Variants in LRGUK observed in about 807,000 individuals in gnomAD.
The protein encoded by LRGUK is leucine-rich repeat and guanylate kinase domain-containing protein.
LRGUK carries 65 observed loss-of-function variants against 76.0 expected under a neutral mutation model. That is an observed-to-expected ratio of 0.85 (90% CI 0.70 to 1.05). The LOEUF is 1.05. Among genes scored for constraint, LRGUK ranks in the 50% least tolerant of loss-of-function variants. The pLI is 0.00. For missense variants in LRGUK, 758 were observed against 732.8 expected (o/e 1.03, Z -0.40); for synonymous variants, 268 against 265.6 (o/e 1.01, Z -0.09).
chr7:134,133,472 A>C (rs1019175799), intron 1 of LRGUK, among the ~76,000 whole-genome samples: 4 of 152,136 alleles, frequency 2.6e-5, no homozygotes, highest in Non-Finnish European at 2.9e-5. Flanking sequence ...ATCTTTATCA[A>C]ATCCAAAATT....
At position 134,188,132 on chromosome 7, in the gene LRGUK, G is replaced by T. The variant is rs529315130; in HGVS notation, c.1335-3523G>T. On this transcript the variant is annotated intron_variant, in intron 11 of 15. Transcript: ENST00000645682. ...TGAAACTGTGAAATGAACAGGCATG[G>T]TTCTTCTCCTCCTGGCAGCTTACAA... 1.1e-3 allele frequency among the ~76,000 whole-genome samples: 160 copies of T among 152,274 alleles called. 1 individual carries two copies. In the Middle Eastern group the frequency reaches 0.017, roughly 16 times the overall value.
At chr7:134,210,374 C>T (rs955470192), downstream of LRGUK, 8 of 397,716 alleles carry the variant, frequency 2.0e-5, no homozygotes, top group African/African-American at 1.4e-4. Flanking sequence ...CCCCCAATTA[C>T]AAGAAGATTA....
At chr7:134,199,452 G>A in intron 14 of LRGUK, 31 bp downstream of exon 14, 1 of 1,564,142 alleles carries the variant, frequency 6.4e-7, no homozygotes, top group Non-Finnish European at 8.8e-7. Flanking sequence ...TTTTGTTTTT[G>A]AAATGTAAGA....
chr7:134,249,390 C>G (rs1169108150), intron 18 of LRGUK, among the ~76,000 whole-genome samples: 2 of 152,142 alleles, frequency 1.3e-5, no homozygotes, highest in African/African-American at 4.8e-5. Flanking sequence ...CACAGACATC[C>G]ATTGTGGTAA....
At chr7:134,167,071 C>T (rs931666933) in intron 7 of LRGUK, among the ~76,000 whole-genome samples, 7 of 152,172 alleles carry the variant, frequency 4.6e-5, no homozygotes, top group African/African-American at 1.4e-4. Flanking sequence ...CATTGATGCT[C>T]GCGTGATCAG....
At chr7:134,200,324 A>C (rs1800715835) in intron 14 of LRGUK, among the ~76,000 whole-genome samples, 1 of 151,968 alleles carries the variant, frequency 6.6e-6, no homozygotes, top group Non-Finnish European at 1.5e-5. Context: ...GGCGTGAGCC[A>C]CCGCACCTGG....
At chr7:134,247,441 C>CT in intron 16 of LRGUK, 115 bp from the exon 17 acceptor site, 1 of 650,228 alleles carries the variant, frequency 1.5e-6, no homozygotes, top group Non-Finnish European at 2.5e-6. Flanking sequence ...CCTTTTCCCC[C>CT]TTTTTCTTCC....
intron 16 of LRGUK, among the ~76,000 whole-genome samples, chr7:134,244,109 A>G (rs1802234238): frequency 6.6e-6 from 1 of 152,222 alleles, no homozygotes; most frequent in Non-Finnish European, 1.5e-5. Context: ...CTAGAAAAAA[A>G]CCTAGGCAAT....
chr7:134,138,960 G>A (rs1167868968), intron 2 of LRGUK, among the ~76,000 whole-genome samples: 1 of 151,634 alleles, frequency 6.6e-6, no homozygotes, highest in Non-Finnish European at 1.5e-5. Context: ...GATCAGATGA[G>A]ATTATTGTGA....
At chr7:134,243,175 T>C (rs1007711414) in intron 16 of LRGUK, among the ~76,000 whole-genome samples, 3 of 152,126 alleles carry the variant, frequency 2.0e-5, no homozygotes, top group East Asian at 1.9e-4. Flanking sequence ...ACCACTCCTA[T>C]TCAACATAGT....
At chr7:134,146,960 T>C (rs980810213) in intron 4 of LRGUK, among the ~76,000 whole-genome samples, 1 of 152,158 alleles carries the variant, frequency 6.6e-6, no homozygotes, top group Admixed American at 6.5e-5. Context: ...ACTTTTTTTG[T>C]TTATCTTTTG....
At chr7:134,184,758 A>AT (rs1298983040) in intron 11 of LRGUK, among the ~76,000 whole-genome samples, 8 of 152,140 alleles carry the variant, frequency 5.3e-5, no homozygotes, top group East Asian at 1.9e-4. Context: ...TATACACTGT[A>AT]TTTTTTTTAA....
chr7:134,219,684 C>G (rs1801527007), intron 15 of LRGUK, among the ~76,000 whole-genome samples: 1 of 151,896 alleles, frequency 6.6e-6, no homozygotes, highest in Admixed American at 6.6e-5. Flanking sequence ...TCCTTTGTCT[C>G]TCTCTCTCTG....
In LRGUK at chr7:134,235,847, T is replaced by C. The variant is rs1039982821; in HGVS notation, c.1984-11709T>C. ...ATAATAGTAATCAAGTCCTAGGTTA[T>C]TGAAAAGATTAAAGGGGTTAGTTGA... is the stretch of plus-strand genomic sequence containing the variant. On this transcript the variant is annotated intron_variant, in intron 16 of 19. Coordinates refer to the LRGUK transcript ENST00000285928. 1.1e-4 allele frequency among the ~76,000 whole-genome samples: 16 copies of C among 152,206 alleles called. 1 individual carries two copies. The highest frequency in any genetic ancestry group is 2.7e-4 in the African/African-American group (11 of 41,458).
At chr7:134,221,071 T>C (rs569484233) in intron 15 of LRGUK, among the ~76,000 whole-genome samples, 16 of 152,178 alleles carry the variant, frequency 1.1e-4, no homozygotes, top group Non-Finnish European at 1.9e-4. Flanking sequence ...ACAAAACAAA[T>C]TTATGTTATA....
chr7:134,236,455 T>G (rs140389487), intron 16 of LRGUK, among the ~76,000 whole-genome samples: 1 of 152,328 alleles, frequency 6.6e-6, no homozygotes, highest in South Asian at 2.1e-4. Flanking sequence ...AGGACTCTGT[T>G]TAGACTGTAG....
chr7:134,223,170 C>A (rs2117157924), intron 16 of LRGUK, among the ~76,000 whole-genome samples: 1 of 152,332 alleles, frequency 6.6e-6, no homozygotes, highest in African/African-American at 2.4e-5. Flanking sequence ...CACCCACAGG[C>A]TTTGCTCCCA....
chr7:134,179,475 G>GATTTTTAC, intron 10 of LRGUK, among the ~76,000 whole-genome samples: 1 of 152,202 alleles, frequency 6.6e-6, no homozygotes, highest in South Asian at 2.1e-4. Flanking sequence ...CCCAGGACAT[G>GATTTTTAC]ATTTTTACAT....
intron 16 of LRGUK, among the ~76,000 whole-genome samples, chr7:134,237,940 C>T (rs1369923849): frequency 6.6e-6 from 1 of 152,114 alleles, no homozygotes; most frequent in African/African-American, 2.4e-5. Context: ...TTAAATTACT[C>T]CGTTGATTTA....
Sources: allele counts gnomAD v4.1 joint callset (sites outside exome capture counted in the v4.1 genomes callset), GRCh38; gene constraint gnomAD v4.1.1; transcripts MANE v1.5; gene names NCBI Gene and HGNC (gene_info 2026-07-23, HGNC 2026-07-21).